SUMF1: variants seen among roughly 807,000 people sequenced by gnomAD.
SUMF1 encodes formylglycine-generating enzyme.
SUMF1 carries 48 observed loss-of-function variants against 47.6 expected under a neutral mutation model. That is an observed-to-expected ratio of 1.01 (90% CI 0.80 to 1.28). The LOEUF is 1.28. Ranked by LOEUF, SUMF1 falls within the 50% of genes most tolerant of loss-of-function variation. The probability of loss-of-function intolerance (pLI) is 0.00; values close to 1 mark genes in which losing one functional copy is unlikely to be tolerated. For missense variants in SUMF1, 571 were observed against 485.4 expected, an observed-to-expected ratio of 1.18 and a Z score of -1.66; for synonymous variants, 230 against 192.1, an observed-to-expected ratio of 1.20 and a Z score of -1.63.
chr3:4,135,258 CAA>C (rs1693897646), intron 8 of SUMF1, among the ~76,000 whole-genome samples: 1 of 152,082 alleles, frequency 6.6e-6, no homozygotes, highest in Non-Finnish European at 1.5e-5. Context: ...AGCAGCACAT[CAA>C]AAAGTTTATC....
intron 8 of SUMF1, among the ~76,000 whole-genome samples, chr3:4,108,187 A>C (rs1693201684): frequency 6.6e-6 from 1 of 152,148 alleles, no homozygotes; most frequent in African/African-American, 2.4e-5. Flanking sequence ...TTATGTACCC[A>C]GTAGTCATTC....
intron 8 of SUMF1, among the ~76,000 whole-genome samples, chr3:4,081,775 C>T (rs559854223): frequency 6.6e-6 from 1 of 152,224 alleles, no homozygotes; most frequent in African/African-American, 2.4e-5. Flanking sequence ...GTTACTCAAT[C>T]CAACACAACT....
intron 9 of SUMF1, among the ~76,000 whole-genome samples, chr3:4,053,703 A>G (rs1047145081): frequency 2.6e-5 from 4 of 152,124 alleles, no homozygotes; most frequent in Non-Finnish European, 5.9e-5. Context: ...AGGTTTTTGA[A>G]GTGGAAGGAA....
chr3:4,442,631 G>A (rs1005258243), intron 3 of SUMF1, among the ~76,000 whole-genome samples: 2 of 5,660 alleles, frequency 3.5e-4, no homozygotes, highest in African/African-American at 3.9e-4. Context: ...GGACAAGAGA[G>A]AAAAAGGAAA....
intron 8 of SUMF1, among the ~76,000 whole-genome samples, chr3:4,194,763 T>G (rs1273614104): frequency 6.6e-6 from 1 of 152,140 alleles, no homozygotes; most frequent in African/African-American, 2.4e-5. Context: ...TGTAATAATT[T>G]CAACCTGTAA....
intron 8 of SUMF1, among the ~76,000 whole-genome samples, chr3:4,110,145 T>C (rs1331153628): frequency 1.3e-5 from 2 of 152,174 alleles, no homozygotes; most frequent in Admixed American, 1.3e-4. Context: ...CTTCTGACAG[T>C]CAGGACCCTC....
chr3:4,241,432 A>C (rs911280217), intron 8 of SUMF1, among the ~76,000 whole-genome samples: 1 of 152,178 alleles, frequency 6.6e-6, no homozygotes, highest in Non-Finnish European at 1.5e-5. Context: ...TTTAAGTCCC[A>C]GCTCAACTGG....
At chr3:4,379,508 C>A (rs994722194) in intron 7 of SUMF1, among the ~76,000 whole-genome samples, 1 of 152,176 alleles carries the variant, frequency 6.6e-6, no homozygotes, top group Non-Finnish European at 1.5e-5. Flanking sequence ...ACAGCCAGCA[C>A]CTTGATTTCA....
At chr3:4,244,278 G>A (rs939675138) in intron 8 of SUMF1, among the ~76,000 whole-genome samples, 1 of 152,182 alleles carries the variant, frequency 6.6e-6, no homozygotes, top group African/African-American at 2.4e-5. Context: ...ATATTGTTAT[G>A]TGTGAATTTG....
intron 9 of SUMF1, among the ~76,000 whole-genome samples, chr3:4,068,278 T>G (rs1695426110): frequency 7.1e-6 from 1 of 141,224 alleles, no homozygotes; most frequent in Non-Finnish European, 1.6e-5. Context: ...TTCTTAAAGA[T>G]GGCTTCACCC....
intron 8 of SUMF1, among the ~76,000 whole-genome samples, chr3:4,153,167 A>T (rs1224836595): frequency 2.6e-5 from 4 of 151,732 alleles, no homozygotes; most frequent in South Asian, 2.1e-4. Flanking sequence ...TAAAATTTTT[A>T]AAAAATTGAG....
At chr3:4,358,420 C>G (rs528780550), downstream of SUMF1, among the ~76,000 whole-genome samples, 2 of 152,160 alleles carry the variant, frequency 1.3e-5, no homozygotes, top group Non-Finnish European at 2.9e-5. Flanking sequence ...ATCGACCAAA[C>G]GGTCTGCTCG....
At chr3:4,219,971 G>A (rs1221109240) in intron 8 of SUMF1, among the ~76,000 whole-genome samples, 1 of 151,108 alleles carries the variant, frequency 6.6e-6, no homozygotes, top group Non-Finnish European at 1.5e-5. Flanking sequence ...CACATGAGCT[G>A]GAGTAGAAAG....
chr3:4,138,253 C>A (rs1053924261), intron 8 of SUMF1, among the ~76,000 whole-genome samples: 2 of 152,092 alleles, frequency 1.3e-5, no homozygotes, highest in African/African-American at 2.4e-5. Context: ...TAAATCCTAT[C>A]GAACTCTGTA....
intron 8 of SUMF1, among the ~76,000 whole-genome samples, chr3:4,350,623 T>C (rs1699479512): frequency 6.6e-6 from 1 of 152,068 alleles, no homozygotes; most frequent in Admixed American, 6.5e-5. Context: ...ATAATAAATT[T>C]TCAAAGAAAC....
intron 8 of SUMF1, among the ~76,000 whole-genome samples, chr3:4,340,723 C>T (rs530367018): frequency 5.9e-5 from 9 of 152,092 alleles, no homozygotes; most frequent in Non-Finnish European, 1.3e-4. Flanking sequence ...GATCAGTTGT[C>T]GGGGAAGAGA....
In SUMF1 at chr3:4,301,321, A is replaced by G. The variant is rs149944824; in HGVS notation, c.1014+75009T>C. 9.3e-3 allele frequency among the ~76,000 whole-genome samples: 1,416 copies of G among 152,338 alleles called. 29 individuals are homozygous for G. Among genetic ancestry groups the G allele is most frequent in the African/African-American group, 0.033 (1,354 of 41,568 alleles). ...GGGGTTCCAACAGAGAACAGCAGCA[A>G]AAGAGACCAAGGAAATAGGTAAAGT... On this transcript the variant is annotated intron_variant and NMD_transcript_variant, in intron 8 of 12. Transcript: ENST00000448413.
chr3:4,129,094 C>A (rs1401235319), intron 8 of SUMF1, among the ~76,000 whole-genome samples: 3 of 152,132 alleles, frequency 2.0e-5, no homozygotes, highest in African/African-American at 7.2e-5. Context: ...AAACCCTCGA[C>A]CAATGCCTTG....
At chr3:4,127,671 AC>A (rs932915330) in intron 8 of SUMF1, among the ~76,000 whole-genome samples, 1 of 150,980 alleles carries the variant, frequency 6.6e-6, no homozygotes, top group Non-Finnish European at 1.5e-5. Flanking sequence ...TACTTAATAA[AC>A]CCCCCTTTGT....
Sources: gnomAD v4.1 joint callset for allele counts (sites outside exome capture counted in the v4.1 genomes callset) on GRCh38, gnomAD v4.1.1 for gene constraint, MANE v1.5 for transcripts, NCBI Gene and HGNC (gene_info 2026-07-23, HGNC 2026-07-21) for gene names.